Variants in UNC80 observed in about 807,000 individuals in gnomAD.
UNC80 encodes the protein unc-80 subunit of NALCN channel complex.
A neutral mutation model predicts 384.6 loss-of-function variants in UNC80; 164 were observed. That is an observed-to-expected ratio of 0.43 (90% CI 0.38 to 0.49). The LOEUF is 0.49. Ranked by LOEUF, UNC80 falls within the 20% of genes least tolerant of loss-of-function variation. The pLI, the probability that UNC80 is intolerant of heterozygous loss-of-function variation, is 0.00. For missense variants in UNC80, 3,330 were observed against 4,143.0 expected (o/e 0.80, Z 5.39); for synonymous variants, 1,486 against 1,527.8 (o/e 0.97, Z 0.64).
intron 25 of UNC80, among the ~76,000 whole-genome samples, chr2:209,886,750 T>C (rs2085846733): frequency 6.6e-6 from 1 of 152,230 alleles, no homozygotes; most frequent in African/African-American, 2.4e-5. Flanking sequence ...AAACTATCTT[T>C]ACTTAATCCT....
chr2:209,978,798 C>T (rs1052097618), intron 59 of UNC80, 90 bp downstream of exon 59: 52 of 1,223,264 alleles, frequency 4.3e-5, no homozygotes, highest in Middle Eastern at 2.3e-4. Context: ...TGACCTTTTC[C>T]GCTTCTGATC....
At chr2:209,813,446 T>C in intron 7 of UNC80, 134 bp from the exon 8 acceptor site, 1 of 917,912 alleles carries the variant, frequency 1.1e-6, no homozygotes, top group South Asian at 1.9e-5. Context: ...TGGAAGGATA[T>C]TAGAGTAAAC....
chr2:209,983,522 A>G (rs1002906913), intron 60 of UNC80, among the ~76,000 whole-genome samples: 1 of 152,204 alleles, frequency 6.6e-6, no homozygotes, highest in Non-Finnish European at 1.5e-5. Context: ...TCAAAGCCAA[A>G]CAATAACATG....
chr2:209,922,771 CTGAT>C (rs1339416496), intron 35 of UNC80, among the ~76,000 whole-genome samples: 2 of 152,096 alleles, frequency 1.3e-5, no homozygotes, highest in African/African-American at 4.8e-5. Flanking sequence ...ACCTCCTCAG[CTGAT>C]TTCAGTGTGT....
At chr2:209,799,677 T>A (rs2078410980) in intron 7 of UNC80, among the ~76,000 whole-genome samples, 1 of 152,220 alleles carries the variant, frequency 6.6e-6, no homozygotes, top group South Asian at 2.1e-4. Context: ...CTTCCAGCTT[T>A]TGCCCATTCA....
intron 52 of UNC80, chr2:209,968,318 G>A (rs1388961316): frequency 6.6e-6 from 1 of 152,068 alleles, no homozygotes; most frequent in Non-Finnish European, 1.5e-5. Flanking sequence ...ATTAACACTG[G>A]TAAACCCACT....
chr2:209,886,286 A>G (rs1032578044), intron 25 of UNC80, among the ~76,000 whole-genome samples: 1 of 151,830 alleles, frequency 6.6e-6, no homozygotes, highest in African/African-American at 2.4e-5. Flanking sequence ...TAATAATTAC[A>G]TATGATCTTG....
intron 22 of UNC80, among the ~76,000 whole-genome samples, chr2:209,853,048 C>T (rs1225339699): frequency 6.6e-6 from 1 of 151,920 alleles, no homozygotes; most frequent in Non-Finnish European, 1.5e-5. Context: ...GATAGATATA[C>T]ATATACAGAG....
chr2:209,914,649 C>CTGTGTGTGTGTG (rs200222549), intron 31 of UNC80, among the ~76,000 whole-genome samples: 1 of 128,498 alleles, frequency 7.8e-6, no homozygotes, highest in East Asian at 2.4e-4. Flanking sequence ...CTAGGGTAAA[C>CTGTGTGTGTGTG]TGTGTGTGTG....
chr2:209,864,512 G>A (rs559035089), intron 22 of UNC80, among the ~76,000 whole-genome samples: 1 of 152,278 alleles, frequency 6.6e-6, no homozygotes, highest in South Asian at 2.1e-4. Flanking sequence ...CTTCCCCAGG[G>A]TCTCAGGCCC....
intron 55 of UNC80, among the ~76,000 whole-genome samples, chr2:209,972,622 A>G (rs773225674): frequency 3.9e-5 from 6 of 152,238 alleles, no homozygotes; most frequent in Non-Finnish European, 7.3e-5. Context: ...GTTGAAGTAC[A>G]ATATAAGAAT....
chr2:209,908,233 A>G (rs1347683831), intron 29 of UNC80, among the ~76,000 whole-genome samples: 1 of 152,210 alleles, frequency 6.6e-6, no homozygotes, highest in African/African-American at 2.4e-5. Flanking sequence ...ATCGTGTCTT[A>G]TGAGCAATTG....
Position 209,941,427 on chromosome 2 carries a change from G to T in UNC80, c.6853G>T (p.Val2285Leu). Residue 2285 changes from valine to leucine, a missense_variant, in exon 44 of 65, where the codon GTG (valine) becomes TTG (leucine). Coordinates refer to ENST00000673920, the MANE Select transcript of UNC80 (RefSeq NM_001371986.1). ...TGCTGCCACCGTCATCAACACCGCG[G>T]TGCACTTCAACCACCTCTTCTCTCT... The part of the protein sequence containing the change: ...QYAATVINTA[V>L]HFNHLFSLSG... The T allele has an allele frequency of 6.5e-7, 1 of 1,548,224 alleles. No homozygotes were observed. The highest frequency in any genetic ancestry group is 2.5e-5 in the East Asian group (1 of 40,790).
In UNC80 at chr2:209,956,916, C is replaced by T. The variant is rs577719037; in HGVS notation, c.7458-728C>T. 1.2e-4 allele frequency among the ~76,000 whole-genome samples: 18 copies of T among 152,242 alleles called. 1 individual carries two copies. Among genetic ancestry groups the T allele is most frequent in the African/African-American group, 4.3e-4 (18 of 41,548 alleles). On this transcript the variant is annotated intron_variant, in intron 48 of 64. Coordinates refer to ENST00000673920, the MANE Select transcript of UNC80 (RefSeq NM_001371986.1). Reference sequence around the variant, plus strand: ...TGATCGTTAAAAGCTTACTTTCTAGCCATCCCCAGCAGACAGAAAGTGAGC... The same window carrying T: ...TGATCGTTAAAAGCTTACTTTCTAGTCATCCCCAGCAGACAGAAAGTGAGC...
At chr2:209,958,281 T>G (rs1475272161) in intron 49 of UNC80, among the ~76,000 whole-genome samples, 1 of 152,196 alleles carries the variant, frequency 6.6e-6, no homozygotes, top group Non-Finnish European at 1.5e-5. Context: ...TGTGTTAGCT[T>G]TAAATATTCC....
chr2:209,971,711 A>T (rs778204851), intron 54 of UNC80, among the ~76,000 whole-genome samples: 4 of 152,242 alleles, frequency 2.6e-5, no homozygotes, highest in Admixed American at 6.5e-5. Flanking sequence ...AGAAACAGTG[A>T]CATCCCTAAA....
chr2:209,857,474 A>G (rs1483591992), intron 22 of UNC80, among the ~76,000 whole-genome samples: 2 of 152,016 alleles, frequency 1.3e-5, no homozygotes, highest in African/African-American at 4.8e-5. Context: ...ACCTATTTCT[A>G]TTTCTAAAAT....
chr2:209,863,070 T>C (rs1205188973), intron 22 of UNC80, among the ~76,000 whole-genome samples: 1 of 152,208 alleles, frequency 6.6e-6, no homozygotes, highest in Non-Finnish European at 1.5e-5. Flanking sequence ...TTGGAAAGGA[T>C]TTTATTTCTC....
chr2:209,880,931 T>C, intron 24 of UNC80, 30 bp from the exon 25 acceptor site: 2 of 1,548,666 alleles, frequency 1.3e-6, no homozygotes, highest in Non-Finnish European at 1.7e-6. Flanking sequence ...TTGATTTGTC[T>C]CCTTATGAAA....
Sources: allele counts gnomAD v4.1 joint callset (sites outside exome capture counted in the v4.1 genomes callset), GRCh38; gene constraint gnomAD v4.1.1; transcripts MANE v1.5; gene names NCBI Gene and HGNC (gene_info 2026-07-23, HGNC 2026-07-21).